MAML2: variants seen among roughly 807,000 people sequenced by gnomAD.
MAML2 encodes mastermind-like protein 2.
Under a neutral mutation model 96.1 loss-of-function variants are expected in MAML2, and 22 were observed. The observed-to-expected ratio is 0.23, with a 90% CI of 0.16 to 0.33. The LOEUF is 0.33. MAML2 is among the 10% of genes least tolerant of loss of function. The probability of loss-of-function intolerance (pLI) is 1.00; values close to 1 mark genes in which losing one functional copy is unlikely to be tolerated. For missense variants in MAML2, 1,367 were observed against 1,392.4 expected (o/e 0.98, Z 0.29); for synonymous variants, 561 against 521.3 (o/e 1.08, Z -1.04).
At chr11:96,002,813 G>A (rs111068678) in intron 2 of MAML2, among the ~76,000 whole-genome samples, 27,995 of 137,716 alleles carry the variant, frequency 0.2, 2,876 homozygotes, top group East Asian at 0.32. Context: ...AGATGATGAT[G>A]GGGATGATGA....
At chr11:96,091,580 G>C (rs1859706180) in intron 2 of MAML2, among the ~76,000 whole-genome samples, 4 of 152,126 alleles carry the variant, frequency 2.6e-5, no homozygotes, top group Admixed American at 1.3e-4. Context: ...TTACTGCTTG[G>C]ATAAGTGACC....
At position 96,093,182 on chromosome 11, in the gene MAML2, C is replaced by A; in HGVS notation, c.849G>T (p.Met283Ile). Residue 283 changes from methionine (M) to isoleucine (I), a missense_variant, in exon 2 of 5, where the codon ATG (methionine) becomes ATT (isoleucine). Physicochemically the swap from Met to Ile is conservative, Grantham distance 10. Transcript: ENST00000524717. ...LSCSKHMDGQ[M>I]TQENIFPNRY... ...TATTAGGAAAAATATTCTCTTGGGT[C>A]ATTTGGCCATCCATGTGCTTACTGC... The A allele has an allele frequency of 6.2e-7, 1 of 1,613,968 alleles. No individual in the cohort carries two copies. Among genetic ancestry groups the A allele is most frequent in the South Asian group, 1.1e-5 (1 of 91,066 alleles).
intron 3 of MAML2, among the ~76,000 whole-genome samples, chr11:95,989,736 T>G (rs1857882193): frequency 6.6e-6 from 1 of 152,190 alleles, no homozygotes; most frequent in South Asian, 2.1e-4. Flanking sequence ...TGTGATCCAG[T>G]CTGTGACTCC....
At chr11:96,027,074 G>A (rs1043399689) in intron 2 of MAML2, among the ~76,000 whole-genome samples, 1 of 152,094 alleles carries the variant, frequency 6.6e-6, no homozygotes, top group Non-Finnish European at 1.5e-5. Flanking sequence ...TGGTGCCTCT[G>A]GAGTTTCTAG....
At chr11:95,999,033 G>T (rs1013717407) in intron 2 of MAML2, among the ~76,000 whole-genome samples, 1 of 152,160 alleles carries the variant, frequency 6.6e-6, no homozygotes, top group Non-Finnish European at 1.5e-5. Context: ...TGTGTTAATT[G>T]TGTTTCTCTC....
At chr11:96,184,734 C>T (rs535129709) in intron 1 of MAML2, among the ~76,000 whole-genome samples, 5 of 151,606 alleles carry the variant, frequency 3.3e-5, no homozygotes, top group African/African-American at 1.2e-4. Context: ...GGACTACAGG[C>T]GCCCACCGCC....
At chr11:96,165,342 TTTCTAACAAG>T (rs1387211219) in intron 1 of MAML2, among the ~76,000 whole-genome samples, 4 of 152,182 alleles carry the variant, frequency 2.6e-5, no homozygotes, top group African/African-American at 9.7e-5. Context: ...ATAATTTGCA[TTTCTAACAAG>T]TTTTCAGGAG....
chr11:96,056,505 G>A (rs560985054), intron 2 of MAML2, among the ~76,000 whole-genome samples: 15 of 151,606 alleles, frequency 9.9e-5, no homozygotes, highest in Non-Finnish European at 2.1e-4. Flanking sequence ...TTTATGTGTA[G>A]CATCATGCAC....
rs748683385 is a variant in MAML2 at position 95,979,458 on chromosome 11, G to A, written c.2961C>T (p.Pro987=). 6.2e-7 allele frequency: 1 copy of A among 1,613,542 alleles called. No homozygotes were observed. The highest frequency in any genetic ancestry group is 8.5e-7 in the Non-Finnish European group (1 of 1,179,726). Residue 987 remains proline (P), a synonymous_variant, in exon 5 of 5, where the codon CCC becomes CCT. Coordinates refer to ENST00000524717, the MANE Select transcript of MAML2 (RefSeq NM_032427.4). The stretch of plus-strand genomic sequence containing the variant: ...GGGTATAGGCTGCAGGTGTACCTGT[G>A]GGGAAGCGGACTCCTGCAGACGTCA... The part of the protein sequence containing the change: ...EALTSAGVRF[P]TGTPAAYTPN...
chr11:95,980,147 C>A (rs963932594), intron 4 of MAML2, among the ~76,000 whole-genome samples, 184 bp from the exon 5 acceptor site: 2 of 152,146 alleles, frequency 1.3e-5, no homozygotes, highest in Non-Finnish European at 2.9e-5. Flanking sequence ...CACCTGAGGT[C>A]ACTTTTTGGT....
intron 1 of MAML2, among the ~76,000 whole-genome samples, chr11:96,275,300 CAG>C (rs1270774021): frequency 2.9e-5 from 3 of 104,722 alleles, no homozygotes; most frequent in Non-Finnish European, 5.2e-5. Context: ...TTTTTTGAGA[CAG>C]AGTCTCGCTC....
intron 1 of MAML2, among the ~76,000 whole-genome samples, chr11:96,255,865 C>CTTTTT (rs141609329): frequency 1.3e-4 from 10 of 77,942 alleles, no homozygotes; most frequent in African/African-American, 3.6e-4. Flanking sequence ...CCCCCACCGC[C>CTTTTT]TTTTTTTTTT....
At position 95,979,431 on chromosome 11, in the gene MAML2, T is replaced by C. The variant is rs1857697863; in HGVS notation, c.2988A>G (p.Pro996=). The C allele has an allele frequency of 6.2e-7, 1 of 1,613,604 alleles. No individual in the cohort carries two copies. The highest frequency in any genetic ancestry group is 8.5e-7 in the Non-Finnish European group (1 of 1,179,740). Residue 996 remains proline, a synonymous_variant, in exon 5 of 5, where the codon CCA becomes CCG. Coordinates refer to ENST00000524717, the MANE Select transcript of MAML2 (RefSeq NM_032427.4). ...FPTGTPAAYT[P]NQSLQQAVGS... is the part of the protein sequence containing the mutation. The stretch of plus-strand genomic sequence containing the variant: ...CTACTGCCTGTTGCAGTGACTGATT[T>C]GGGGTATAGGCTGCAGGTGTACCTG...
intron 1 of MAML2, among the ~76,000 whole-genome samples, chr11:96,186,740 TAGAG>T (rs1007333435): frequency 1.3e-5 from 2 of 152,192 alleles, no homozygotes; most frequent in Non-Finnish European, 2.9e-5. Flanking sequence ...GAGAAACCGA[TAGAG>T]AGAGCTTGAA....
intron 2 of MAML2, among the ~76,000 whole-genome samples, chr11:96,083,084 C>T (rs956207261): frequency 4.6e-5 from 7 of 152,154 alleles, no homozygotes; most frequent in Non-Finnish European, 8.8e-5. Flanking sequence ...AGAAGTGGCA[C>T]GTGGGGTGCA....
rs761441220 is a variant in MAML2, at chr11:95,985,655, T to A, written c.2344-13A>T. On this transcript the variant is annotated splice_polypyrimidine_tract_variant and intron_variant, in intron 3 of 4. Coordinates refer to ENST00000524717, the MANE Select transcript of MAML2 (RefSeq NM_032427.4). ...GAGCAATTTTCTCCTTGAGAAATGA[T>A]ATGAAAGCATATTATGTTGCATCAT... 1 of 1,498,030 alleles carries A rather than the reference T, an allele frequency of 6.7e-7. No individual in the cohort carries two copies. Among genetic ancestry groups the A allele is most frequent in the East Asian group, 2.3e-5 (1 of 44,164 alleles). The allele number at this position is 1,498,030 out of a possible 1,614,324, so 92.8% of individuals were successfully genotyped here.
intron 1 of MAML2, among the ~76,000 whole-genome samples, chr11:96,176,633 T>G (rs1861392262): frequency 6.6e-6 from 1 of 152,062 alleles, no homozygotes; most frequent in Non-Finnish European, 1.5e-5. Context: ...TGAGACCACC[T>G]TTTCGAAGCC....
intron 2 of MAML2, among the ~76,000 whole-genome samples, chr11:96,082,319 T>C (rs1276802581): frequency 6.6e-6 from 1 of 152,170 alleles, no homozygotes; most frequent in African/African-American, 2.4e-5. Context: ...GAAATTATAA[T>C]ACAGTATGGT....
chr11:96,313,255 A>G (rs546210220), intron 1 of MAML2, among the ~76,000 whole-genome samples: 2 of 152,306 alleles, frequency 1.3e-5, no homozygotes, highest in African/African-American at 2.4e-5. Flanking sequence ...TAACTCTAAG[A>G]GGTTCACAAA....
Sources: gnomAD v4.1 joint callset for allele counts (sites outside exome capture counted in the v4.1 genomes callset) on GRCh38, gnomAD v4.1.1 for gene constraint, MANE v1.5 for transcripts, NCBI Gene and HGNC (gene_info 2026-07-23, HGNC 2026-07-21) for gene names.